The following MYO9A variants were observed in gnomAD, a reference collection of about 807,000 sequenced individuals.
The protein encoded by MYO9A is myosin IXA, also known as unconventional myosin-IXa.
A neutral mutation model predicts 293.3 loss-of-function variants in MYO9A; 103 were observed. The ratio of observed to expected loss-of-function variants is 0.35; its 90% confidence interval spans 0.30 to 0.41. The LOEUF (loss-of-function observed/expected upper bound fraction) is 0.41. Among genes scored for constraint, MYO9A ranks in the 10% least tolerant of loss-of-function variants. The probability of loss-of-function intolerance (pLI) is 1.00; values close to 1 mark genes in which losing one functional copy is unlikely to be tolerated. For synonymous variants in MYO9A, 1,001 were observed against 1,035.7 expected, an observed-to-expected ratio of 0.97 and a Z score of 0.64; for missense variants, 2,685 against 3,033.0, an observed-to-expected ratio of 0.89 and a Z score of 2.69.
In MYO9A at chr15:71,825,109, T is replaced by TATCA. The variant is rs1417296797; in HGVS notation, c.*1467_*1470dup. ...TTCACATACTTATCTCAAGAAAGGC[T>TATCA]ATCATGTTTCATTTTTTATATATTA... On this transcript the variant is annotated 3_prime_UTR_variant, in exon 42 of 42. Transcript: ENST00000356056. 1.3e-5 allele frequency: 2 copies of TATCA among 152,232 alleles called. No homozygotes were observed. The highest frequency in any genetic ancestry group is 6.5e-5 in the Admixed American group (1 of 15,284). 9.4% of individuals were successfully genotyped at this position (152,232 alleles called of 1,614,324 possible). A position where few individuals can be genotyped will look rare whatever the true frequency, so the allele number is the denominator to read the frequency against.
intron 11 of MYO9A, among the ~76,000 whole-genome samples, chr15:71,981,068 C>T (rs1373809143): frequency 6.6e-6 from 1 of 151,738 alleles, no homozygotes; most frequent in Non-Finnish European, 1.5e-5. Context: ...GTGTTTTCTC[C>T]TTATTTATTA....
chr15:72,034,310 A>T (rs1195875483), intron 2 of MYO9A, among the ~76,000 whole-genome samples: 1 of 152,204 alleles, frequency 6.6e-6, no homozygotes, highest in East Asian at 1.9e-4. Flanking sequence ...TTCAGATGTA[A>T]GCCAAAGTTT....
At chr15:71,893,570 T>C in intron 26 of MYO9A, 109 bp downstream of exon 26, 7 of 804,114 alleles carry the variant, frequency 8.7e-6, no homozygotes, top group Non-Finnish European at 5.9e-6. Flanking sequence ...CTAAAAACAC[T>C]TGGGAGTAAA....
At position 71,825,435 on chromosome 15, in the gene MYO9A, C is replaced by CATCT. The variant is rs1194555187; in HGVS notation, c.*1141_*1144dup. ...CTTCAAGTAGTCCTTGATTTTTTTC[C>CATCT]ATCTATTTAATACTGATAGTCTGAG... On this transcript the variant is annotated 3_prime_UTR_variant, in exon 42 of 42. Coordinates refer to ENST00000356056, the MANE Select transcript of MYO9A (RefSeq NM_006901.4). The CATCT allele has an allele frequency of 1.4e-5, 2 of 140,660 alleles. No individual in the cohort carries two copies. The highest frequency in any genetic ancestry group is 2.3e-4 in the South Asian group (1 of 4,400). The allele number at this position is 140,660 out of a possible 1,614,324, so 8.7% of individuals were successfully genotyped here.
chr15:71,915,070 A>G (rs1180519634), intron 19 of MYO9A, among the ~76,000 whole-genome samples: 1 of 152,198 alleles, frequency 6.6e-6, no homozygotes, highest in East Asian at 1.9e-4. Flanking sequence ...CAGGAAAAAA[A>G]TATGCTAATA....
At chr15:72,103,445 A>C (rs2080452262) in intron 1 of MYO9A, among the ~76,000 whole-genome samples, 2 of 145,346 alleles carry the variant, frequency 1.4e-5, no homozygotes, top group South Asian at 4.2e-4. Context: ...CAGAAGCAGA[A>C]GCAGCAGCAG....
chr15:71,910,245 A>G (rs1415226911), intron 19 of MYO9A, among the ~76,000 whole-genome samples: 5 of 149,082 alleles, frequency 3.4e-5, no homozygotes, highest in African/African-American at 1.2e-4. Flanking sequence ...CTCACTGTAC[A>G]TAAGCTATGT....
chr15:71,935,624 A>G (rs2058619350), intron 16 of MYO9A, 140 bp from the exon 17 acceptor site: 1 of 750,868 alleles, frequency 1.3e-6, no homozygotes, highest in East Asian at 2.7e-5. Context: ...TTTCATCCAA[A>G]TGACTGCCAA....
At chr15:71,947,450 T>G (rs2058944857) in intron 15 of MYO9A, among the ~76,000 whole-genome samples, 1 of 152,184 alleles carries the variant, frequency 6.6e-6, no homozygotes, top group South Asian at 2.1e-4. Flanking sequence ...AAGTACTTCT[T>G]TATTTATATT....
chr15:72,048,775 T>C (rs901865176), intron 1 of MYO9A, among the ~76,000 whole-genome samples: 4 of 152,230 alleles, frequency 2.6e-5, no homozygotes, highest in Admixed American at 6.5e-5. Context: ...CAGATTTTAA[T>C]ACTGCATTGA....
At chr15:71,948,157 G>T (rs2058964787) in intron 15 of MYO9A, among the ~76,000 whole-genome samples, 1 of 152,246 alleles carries the variant, frequency 6.6e-6, no homozygotes. Flanking sequence ...CATGCCTTAT[G>T]AAGGGGGCAG....
intron 39 of MYO9A, among the ~76,000 whole-genome samples, chr15:71,844,792 C>T (rs2055312773): frequency 2.0e-5 from 3 of 152,116 alleles, no homozygotes; most frequent in South Asian, 4.1e-4. Flanking sequence ...GTAAAAGAGA[C>T]TCATGGTGAT....
At chr15:71,999,401 G>A (rs190243162) in intron 9 of MYO9A, among the ~76,000 whole-genome samples, 3 of 151,850 alleles carry the variant, frequency 2.0e-5, no homozygotes, top group African/African-American at 4.8e-5. Context: ...CAAAGACTGC[G>A]TCCTAGGGTA....
Position 71,875,829 on chromosome 15 carries a change from T to C in MYO9A, c.5941A>G (p.Thr1981Ala), listed in dbSNP as rs1475525161. 7.3e-7 allele frequency: 1 copy of C among 1,366,200 alleles called. No homozygotes were observed. Among genetic ancestry groups the C allele is most frequent in the East Asian group, 2.9e-5 (1 of 34,656 alleles). The allele number at this position is 1,366,200 out of a possible 1,614,324, so 84.6% of individuals were successfully genotyped here. Residue 1981 changes from threonine (T) to alanine (A), a missense_variant, in exon 32 of 42, where the codon ACA (threonine) becomes GCA (alanine). Physicochemically the swap from Thr to Ala is moderately conservative, Grantham distance 58 (BLOSUM62 0). Transcript: ENST00000356056. ...TTTTTCCTTCTTTTCTTTCTTTCTG[T>C]TTTTGGCACCTGACAGGGGGACAGG... ...SDCTATKVPK[T>A]ERKKRRKKET...
At chr15:72,110,435 CAAAAAAAAAAAA>C (rs397854173) in intron 1 of MYO9A, among the ~76,000 whole-genome samples, 28 of 45,132 alleles carry the variant, frequency 6.2e-4, no homozygotes, top group South Asian at 8.3e-4. Context: ...GACTCCATCT[CAAAAAAAAAAAA>C]AAAAAAAAAA....
At chr15:71,956,825 C>A (rs890182840) in intron 14 of MYO9A, among the ~76,000 whole-genome samples, 1 of 135,678 alleles carries the variant, frequency 7.4e-6, no homozygotes, top group Non-Finnish European at 1.6e-5. Context: ...GCTATATATG[C>A]TATATATATA....
chr15:71,892,146 T>C (rs183927460), intron 26 of MYO9A: 4 of 152,334 alleles, frequency 2.6e-5, no homozygotes, highest in Admixed American at 2.6e-4. Context: ...TATACTATAA[T>C]ACTTGTCAAA....
chr15:71,889,821 TTCTGCCAAA>T (rs2057127743), intron 26 of MYO9A: 1 of 152,076 alleles, frequency 6.6e-6, no homozygotes, highest in Admixed American at 6.6e-5. Context: ...CATAGAAAAA[TTCTGCCAAA>T]TCTTCAAAGA....
chr15:71,975,317 T>G (rs2076111089), intron 12 of MYO9A, among the ~76,000 whole-genome samples: 1 of 150,696 alleles, frequency 6.6e-6, no homozygotes, highest in Non-Finnish European at 1.5e-5. Context: ...TGTGTGTGTG[T>G]GTGTGTAGGT....
Sources: allele counts gnomAD v4.1 joint callset (sites outside exome capture counted in the v4.1 genomes callset), GRCh38; gene constraint gnomAD v4.1.1; transcripts MANE v1.5; gene names NCBI Gene and HGNC (gene_info 2026-07-23, HGNC 2026-07-21).